TENM2: variants seen among roughly 807,000 people sequenced by gnomAD.
The protein encoded by TENM2 is teneurin-2.
In TENM2, 52 loss-of-function variants were observed where a neutral mutation model predicts 245.2. That is an observed-to-expected ratio of 0.21 (90% CI 0.17 to 0.27). TENM2 has a LOEUF of 0.27. Ranked by LOEUF, TENM2 falls within the 10% of genes least tolerant of loss-of-function variation. The probability of loss-of-function intolerance (pLI) is 1.00; values close to 1 mark genes in which losing one functional copy is unlikely to be tolerated. For missense variants in TENM2, 3,046 were observed against 3,666.8 expected (o/e 0.83, Z 4.37); for synonymous variants, 1,363 against 1,438.9 (o/e 0.95, Z 1.19).
chr5:167,791,333 A>G (rs573135698), intron 2 of TENM2, among the ~76,000 whole-genome samples: 2 of 147,218 alleles, frequency 1.4e-5, no homozygotes, highest in East Asian at 4.0e-4. Context: ...TAATACGGGT[A>G]CACATTACAT....
the TENM2 span, among the ~76,000 whole-genome samples, chr5:167,174,413 G>C: frequency 6.6e-6 from 1 of 152,044 alleles, no homozygotes; most frequent in Admixed American, 6.6e-5. Context: ...TTCCCACATT[G>C]CTGTTTTGAC....
chr5:168,122,391 T>A (rs1461244726), intron 10 of TENM2, among the ~76,000 whole-genome samples: 6 of 152,240 alleles, frequency 3.9e-5, no homozygotes. Flanking sequence ...TTAGCCAGGA[T>A]GGTCTCGGTC....
chr5:167,019,132 T>C, the TENM2 span, among the ~76,000 whole-genome samples: 1 of 133,214 alleles, frequency 7.5e-6, no homozygotes, highest in Non-Finnish European at 1.7e-5. Context: ...ATTAGAGATT[T>C]AGATAAGGAA....
intron 2 of TENM2, among the ~76,000 whole-genome samples, chr5:167,426,062 A>G (rs1271080417): frequency 6.6e-6 from 1 of 152,148 alleles, no homozygotes; most frequent in Admixed American, 6.5e-5. Flanking sequence ...CTGGGAATGA[A>G]ATCGACTTCA....
intron 2 of TENM2, among the ~76,000 whole-genome samples, chr5:167,534,854 T>G (rs1474262685): frequency 6.6e-6 from 1 of 152,194 alleles, no homozygotes; most frequent in Admixed American, 6.5e-5. Flanking sequence ...ATTCCTGATG[T>G]CACCTACATC....
chr5:167,153,826 C>T, the TENM2 span, among the ~76,000 whole-genome samples: 3,555 of 152,036 alleles, frequency 0.023, 150 homozygotes, highest in African/African-American at 0.081. Context: ...AACAGAAAAA[C>T]CTTTGTCACA....
At chr5:167,950,469 G>T (rs1399679153) in intron 3 of TENM2, among the ~76,000 whole-genome samples, 1 of 152,064 alleles carries the variant, frequency 6.6e-6, no homozygotes, top group South Asian at 2.1e-4. Flanking sequence ...GAGGGTGGGG[G>T]GCCAGGACAG....
At chr5:167,018,795 A>G in the TENM2 span, among the ~76,000 whole-genome samples, 1 of 152,254 alleles carries the variant, frequency 6.6e-6, no homozygotes, top group African/African-American at 2.4e-5. Context: ...GAGACCTCTG[A>G]TCTTGAGAAA....
chr5:167,823,471 T>A (rs1205893219), intron 2 of TENM2, among the ~76,000 whole-genome samples: 4 of 152,198 alleles, frequency 2.6e-5, no homozygotes, highest in Non-Finnish European at 5.9e-5. Context: ...ATTCTCCTTC[T>A]ATTCATTTGA....
the TENM2 span, among the ~76,000 whole-genome samples, chr5:167,152,779 C>T: frequency 1.3e-5 from 2 of 152,104 alleles, no homozygotes; most frequent in Non-Finnish European, 2.9e-5. Context: ...TGACTCACCT[C>T]TAGGGCAGGA....
the TENM2 span, among the ~76,000 whole-genome samples, chr5:167,204,056 A>G: frequency 1.3e-5 from 2 of 152,064 alleles, no homozygotes; most frequent in African/African-American, 4.8e-5. Flanking sequence ...CTGGAAGGAG[A>G]GACTGAAGAA....
chr5:167,985,097 A>T (rs1197188666), intron 4 of TENM2, among the ~76,000 whole-genome samples: 1 of 152,222 alleles, frequency 6.6e-6, no homozygotes, highest in Non-Finnish European at 1.5e-5. Context: ...ACTCTTTTAG[A>T]GACAATAAAC....
intron 2 of TENM2, among the ~76,000 whole-genome samples, chr5:167,756,555 T>A (rs1343844034): frequency 6.6e-6 from 1 of 152,120 alleles, no homozygotes; most frequent in Non-Finnish European, 1.5e-5. Flanking sequence ...GATATGAGGC[T>A]CCAGGAGGAA....
At chr5:167,522,581 G>T (rs1300525777) in intron 2 of TENM2, among the ~76,000 whole-genome samples, 2 of 151,764 alleles carry the variant, frequency 1.3e-5, no homozygotes, top group Non-Finnish European at 2.9e-5. Context: ...TTTTATATCT[G>T]ATGGGAAATA....
At chr5:167,850,220 G>A (rs901090058) in intron 2 of TENM2, among the ~76,000 whole-genome samples, 18 of 152,172 alleles carry the variant, frequency 1.2e-4, no homozygotes, top group Non-Finnish European at 2.1e-4. Flanking sequence ...TTGTATGCCA[G>A]GAACCAGGAT....
At chr5:167,373,633 CAAAT>C (rs1450541558) in intron 1 of TENM2, among the ~76,000 whole-genome samples, 2 of 152,150 alleles carry the variant, frequency 1.3e-5, no homozygotes, top group Admixed American at 1.3e-4. Context: ...GTAGTAAGCA[CAAAT>C]AAATAAACTG....
chr5:167,481,734 T>C lies in TENM2; in HGVS notation c.502+106261T>C, dbSNP rs79097046. Among the ~76,000 whole-genome samples, 145 of 152,340 alleles carry C rather than the reference T, an allele frequency of 9.5e-4. No individual in the cohort carries two copies. In the Middle Eastern group the frequency reaches 0.01, roughly 11 times the overall value. On this transcript the variant is annotated intron_variant, in intron 2 of 28. Coordinates refer to ENST00000518659, the Ensembl canonical transcript of TENM2. ...AAATGCCGGTGATAGTAACACTGACTTTGAGCCTCAATTAAGCAAACTGTT... is the reference window on the plus strand; with the variant it reads ...AAATGCCGGTGATAGTAACACTGACCTTGAGCCTCAATTAAGCAAACTGTT...
chr5:168,005,435 G>A (rs1367232026), intron 5 of TENM2, among the ~76,000 whole-genome samples: 1 of 152,170 alleles, frequency 6.6e-6, no homozygotes, highest in African/African-American at 2.4e-5. Flanking sequence ...CACGCCCTTT[G>A]TAATTCTTTA....
intron 4 of TENM2, among the ~76,000 whole-genome samples, chr5:167,987,233 C>T (rs182805604): frequency 4.1e-4 from 62 of 152,044 alleles, no homozygotes; most frequent in Admixed American, 4.1e-3. Flanking sequence ...GGTATGTCCT[C>T]TTCAAGTAAG....
Sources: allele counts gnomAD v4.1 joint callset (sites outside exome capture counted in the v4.1 genomes callset), GRCh38; gene constraint gnomAD v4.1.1; transcripts MANE v1.5; gene names NCBI Gene and HGNC (gene_info 2026-07-23, HGNC 2026-07-21).